UNC5A: variants seen among roughly 807,000 people sequenced by gnomAD.
The protein encoded by UNC5A is unc-5 netrin receptor A.
A neutral mutation model predicts 87.4 loss-of-function variants in UNC5A; 20 were observed. The ratio of observed to expected loss-of-function variants is 0.23; its 90% CI spans 0.16 to 0.33. The LOEUF (loss-of-function observed/expected upper bound fraction) is 0.33, where lower values mean the gene tolerates loss of function less well. Among genes scored for constraint, UNC5A ranks in the 10% least tolerant of loss-of-function variants. The pLI is 1.00. For synonymous variants in UNC5A, 438 were observed against 482.3 expected (o/e 0.91, Z 1.20); for missense variants, 844 against 1,133.4 (o/e 0.74, Z 3.67).
At chr5:176,846,899 C>T (rs567081368) in intron 1 of UNC5A, among the ~76,000 whole-genome samples, 1 of 152,316 alleles carries the variant, frequency 6.6e-6, no homozygotes. Context: ...CTGTGGGCTG[C>T]TCTGAGAGGC....
intron 1 of UNC5A, among the ~76,000 whole-genome samples, chr5:176,830,318 G>A (rs1756966658): frequency 6.6e-6 from 1 of 152,214 alleles, no homozygotes; most frequent in Non-Finnish European, 1.5e-5. Context: ...GCTGGAGGAT[G>A]TGCCTCCATG....
rs1757471509 is a variant in UNC5A, at chr5:176,848,656, G to C, written c.71-13968G>C. Reference sequence around the variant, plus strand: ...CCAGGCTCCTTCCCGCCCAAATTTGGAATAGGAAGGCTGGTGTCTCAGGGG... The same window carrying C: ...CCAGGCTCCTTCCCGCCCAAATTTGCAATAGGAAGGCTGGTGTCTCAGGGG... On this transcript the variant is annotated intron_variant, in intron 1 of 14. Transcript: ENST00000329542. The surrounding 1 kb of genome is among the most constrained non-coding windows in gnomAD (Gnocchi z 5.8). 6.6e-6 allele frequency among the ~76,000 whole-genome samples: 1 copy of C among 152,150 alleles called. No homozygotes were observed. The highest frequency in any genetic ancestry group is 2.1e-4 in the South Asian group (1 of 4,834).
rs1757462725 is a variant in UNC5A at position 176,848,292 on chromosome 5, G to A, written c.71-14332G>A. Among the ~76,000 whole-genome samples the A allele has an allele frequency of 6.6e-6, 1 of 152,134 alleles. No homozygotes were observed. Among genetic ancestry groups the A allele is most frequent in the Admixed American group, 6.5e-5 (1 of 15,282 alleles). On this transcript the variant is annotated intron_variant, in intron 1 of 14. Coordinates refer to ENST00000329542, the MANE Select transcript of UNC5A (RefSeq NM_133369.3). The surrounding 1 kb of genome is among the most constrained non-coding windows in gnomAD (Gnocchi z 5.8). ...TCCCCTGCTACCCCAAAGCACAAGA[G>A]GGTGTGCAGGGATCTGAGGCCCTGG...
At chr5:176,812,231 C>A (rs898342396) in intron 1 of UNC5A, among the ~76,000 whole-genome samples, 1 of 152,144 alleles carries the variant, frequency 6.6e-6, no homozygotes, top group African/African-American at 2.4e-5. Flanking sequence ...AGATGAGCAC[C>A]CGGGTGCAGG....
intron 1 of UNC5A, among the ~76,000 whole-genome samples, chr5:176,812,765 GC>G (rs1278599505): frequency 1.3e-5 from 2 of 152,142 alleles, no homozygotes; most frequent in East Asian, 3.9e-4. Context: ...CATCAACTCT[GC>G]CCCTGGGCCT....
intron 1 of UNC5A, among the ~76,000 whole-genome samples, chr5:176,814,383 A>T (rs115589138): frequency 6.6e-6 from 1 of 151,936 alleles, no homozygotes; most frequent in African/African-American, 2.4e-5. Context: ...TGGGGTGGGC[A>T]CCCCCAGGCA....
intron 5 of UNC5A, 29 bp from the exon 6 acceptor site, chr5:176,870,341 C>T (rs1473296142): frequency 5.6e-6 from 9 of 1,606,964 alleles, no homozygotes; most frequent in Non-Finnish European, 5.1e-6. Context: ...CTGACCGCAC[C>T]GTCTCCTCTC....
intron 1 of UNC5A, among the ~76,000 whole-genome samples, chr5:176,818,065 C>T (rs1381757979): frequency 6.6e-6 from 1 of 152,140 alleles, no homozygotes; most frequent in Non-Finnish European, 1.5e-5. Context: ...CGCCGCGCGG[C>T]CGCCTCCGCC....
At chr5:176,871,795 C>A (rs1758117981) in intron 6 of UNC5A, among the ~76,000 whole-genome samples, 1 of 73,184 alleles carries the variant, frequency 1.4e-5, no homozygotes, top group African/African-American at 3.9e-5. Flanking sequence ...CACATCTGCC[C>A]ACACTCACCA....
chr5:176,825,206 C>T (rs895375899), intron 1 of UNC5A, among the ~76,000 whole-genome samples: 6 of 152,092 alleles, frequency 3.9e-5, no homozygotes, highest in Admixed American at 3.3e-4. Context: ...TGCATGAGCT[C>T]GAATCCCATT....
rs1216547895 is a variant in UNC5A, at chr5:176,874,711, G to T, written c.1378+145G>T. 15 of 959,524 alleles carry T rather than the reference G, an allele frequency of 1.6e-5. No homozygotes were observed. Among genetic ancestry groups the T allele is most frequent in the Non-Finnish European group, 2.2e-5 (15 of 680,740 alleles). 59.4% of individuals were successfully genotyped at this position (959,524 alleles called of 1,614,324 possible). ...GGAGTTTTGGGGAGAACCCAGTCTT[G>T]GCTGGCACCGAGGCCGTGGCCAGAG... On this transcript the variant is annotated intron_variant, in intron 8 of 14. Transcript: ENST00000329542. The surrounding 1 kb of genome is among the most constrained non-coding windows in gnomAD (Gnocchi z 7.6).
At chr5:176,820,387 A>C (rs1455854643) in intron 1 of UNC5A, among the ~76,000 whole-genome samples, 3 of 151,210 alleles carry the variant, frequency 2.0e-5, no homozygotes, top group Non-Finnish European at 4.4e-5. Flanking sequence ...AGAGAGTGAG[A>C]CTCCGTCTCA....
chr5:176,869,610 C>G lies in UNC5A; in HGVS notation c.721+646C>G, dbSNP rs1192140354. The G allele has an allele frequency of 5.7e-6, 4 of 698,992 alleles. No individual in the cohort carries two copies. Among genetic ancestry groups the G allele is most frequent in the Non-Finnish European group, 1.0e-5 (4 of 383,414 alleles). The allele number at this position is 698,992 out of a possible 1,614,324, so 43.3% of individuals were successfully genotyped here. On this transcript the variant is annotated intron_variant, in intron 5 of 14. Transcript: ENST00000329542. This position sits in a 1 kb window ranked among gnomAD's most constrained non-coding sequence, Gnocchi z 9.1. The stretch of plus-strand genomic sequence containing the variant: ...CTGACCCCAGTCCTTCTCTGTCCGG[C>G]CAGTGAACGGTGGGTGGTCGACGTG...
rs1758325403 is a variant in UNC5A at position 176,878,574 on chromosome 5, A to C, written c.2119A>C (p.Lys707Gln). ...CCCCAGCACTAGTGACCTGGCCTGCAAGCTGTGGGTGTGGCAGGTGGAGGG... is the reference window on the plus strand; with the variant it reads ...CCCCAGCACTAGTGACCTGGCCTGCCAGCTGTGGGTGTGGCAGGTGGAGGG... Reference protein sequence around the residue: ...VSPSTSDLACKLWVWQVEGDG... With the variant: ...VSPSTSDLACQLWVWQVEGDG... The change falls in exon 13 of 15, where the codon AAG becomes CAG. Residue 707 changes from lysine (K) to glutamine (Q), a missense_variant. This residue lies in a region of UNC5A where 177 missense variants were observed against 279.4 expected (regional missense o/e 0.63). Coordinates refer to ENST00000329542, the MANE Select transcript of UNC5A (RefSeq NM_133369.3). The C allele has an allele frequency of 6.2e-7, 1 of 1,612,944 alleles. No individual in the cohort carries two copies. Among genetic ancestry groups the C allele is most frequent in the South Asian group, 1.1e-5 (1 of 91,086 alleles).
At chr5:176,826,497 T>G (rs944461780) in intron 1 of UNC5A, among the ~76,000 whole-genome samples, 2 of 152,240 alleles carry the variant, frequency 1.3e-5, no homozygotes, top group Non-Finnish European at 2.9e-5. Context: ...TTTCTTTCCA[T>G]TTTTTTAATT....
At chr5:176,855,021 T>C (rs1342400168) in intron 1 of UNC5A, among the ~76,000 whole-genome samples, 1 of 152,184 alleles carries the variant, frequency 6.6e-6, no homozygotes, top group Non-Finnish European at 1.5e-5. Flanking sequence ...GGAAAGATCC[T>C]GACTCCAACT....
chr5:176,828,578 G>A (rs1471210288), intron 1 of UNC5A, among the ~76,000 whole-genome samples: 2 of 152,186 alleles, frequency 1.3e-5, no homozygotes, highest in South Asian at 2.1e-4. Flanking sequence ...CCTCCTCAGC[G>A]AGGTTCCCCC....
At position 176,880,692 on chromosome 5, in the gene UNC5A, A is replaced by AGT. The variant is rs1040981645; in HGVS notation, c.*816_*817dup. The AGT allele has an allele frequency of 5.6e-6, 1 of 178,676 alleles. No individual in the cohort carries two copies. Among genetic ancestry groups the AGT allele is most frequent in the Non-Finnish European group, 1.2e-5 (1 of 85,758 alleles). The allele number at this position is 178,676 out of a possible 1,614,324, so 11.1% of individuals were successfully genotyped here. Reference sequence around the variant, plus strand: ...GGGAGTCCCAGGCTGTACAGTGGTGAGTGTGTGTGTGGCGTGGCGTGCCCG... The same window carrying AGT: ...GGGAGTCCCAGGCTGTACAGTGGTGAGTGTGTGTGTGTGGCGTGGCGTGCCCG... On this transcript the variant is annotated 3_prime_UTR_variant, in exon 15 of 15. Transcript: ENST00000329542.
chr5:176,879,631 G>C (rs1004216275), intron 14 of UNC5A, 90 bp from the exon 15 acceptor site: 38 of 1,561,708 alleles, frequency 2.4e-5, no homozygotes, highest in Middle Eastern at 2.2e-4. Flanking sequence ...TTTGGCTTCG[G>C]GGAGGCCCTG....
Sources: allele counts gnomAD v4.1 joint callset (sites outside exome capture counted in the v4.1 genomes callset), GRCh38; gene constraint gnomAD v4.1.1; regional missense constraint gnomAD v4.1.1; non-coding constraint Gnocchi (gnomAD v3.1); transcripts MANE v1.5; gene names NCBI Gene and HGNC (gene_info 2026-07-23, HGNC 2026-07-21).